SLC14A2: variants seen among roughly 807,000 people sequenced by gnomAD.
SLC14A2 encodes solute carrier family 14 member 2, also known as urea transporter 2.
In SLC14A2, 91 loss-of-function variants were observed where a neutral mutation model predicts 104.6. That is an observed-to-expected ratio of 0.87 (90% CI 0.73 to 1.04). The LOEUF (loss-of-function observed/expected upper bound fraction) is 1.04, where lower values mean the gene tolerates loss of function less well. Ranked by LOEUF, SLC14A2 falls within the 50% of genes least tolerant of loss-of-function variation. The probability of loss-of-function intolerance (pLI) is 0.00; values close to 1 mark genes in which losing one functional copy is unlikely to be tolerated. For missense variants in SLC14A2, 1,189 were observed against 1,156.0 expected (o/e 1.03, Z -0.41); for synonymous variants, 476 against 466.4 (o/e 1.02, Z -0.27).
intron 1 of SLC14A2, among the ~76,000 whole-genome samples, chr18:45,269,387 G>T (rs2084627122): frequency 6.6e-6 from 1 of 152,098 alleles, no homozygotes; most frequent in Non-Finnish European, 1.5e-5. Context: ...AGGGCAAGAA[G>T]TAGAGGGCAG....
intron 1 of SLC14A2, among the ~76,000 whole-genome samples, chr18:45,277,174 T>A (rs2084711527): frequency 6.6e-6 from 1 of 152,228 alleles, no homozygotes; most frequent in African/African-American, 2.4e-5. Context: ...ACATATAGCA[T>A]CTTATGGTTT....
At chr18:45,517,137 G>T (rs1421176743) in intron 2 of SLC14A2, among the ~76,000 whole-genome samples, 1 of 152,212 alleles carries the variant, frequency 6.6e-6, no homozygotes, top group Non-Finnish European at 1.5e-5. Flanking sequence ...GACACAGAGG[G>T]CTCAGGGCCC....
the SLC14A2 span, among the ~76,000 whole-genome samples, chr18:45,191,066 G>A: frequency 6.2e-4 from 94 of 152,066 alleles, no homozygotes; most frequent in African/African-American, 2.2e-3. Flanking sequence ...CAGCTCCCAT[G>A]GTGTCCCAGC....
intron 19 of SLC14A2, among the ~76,000 whole-genome samples, chr18:45,679,745 G>A (rs140935138): frequency 6.6e-6 from 1 of 152,328 alleles, no homozygotes; most frequent in East Asian, 1.9e-4. Flanking sequence ...AGTAAAAATG[G>A]GTGGCTTGGA....
rs1040551943 is a variant in SLC14A2, at chr18:45,444,781, C to T, written c.-124-38452C>T. Among the ~76,000 whole-genome samples the T allele has an allele frequency of 5.3e-5, 8 of 152,214 alleles. No homozygotes were observed. The South Asian group carries it at 1.0e-3, about 20-fold the overall frequency. On this transcript the variant is annotated intron_variant, in intron 1 of 20. Transcript: ENST00000586448. ...GCGAGCCGCACAGGTAGGTGTGCAT[C>T]GACAGCTCTTTTTAAAGCTACTTCT...
At chr18:45,265,326 G>A (rs377737830) in intron 1 of SLC14A2, among the ~76,000 whole-genome samples, 48 of 152,178 alleles carry the variant, frequency 3.2e-4, no homozygotes, top group East Asian at 2.7e-3. Context: ...AGCAAATTTC[G>A]GTAAGAAAGA....
intron 1 of SLC14A2, among the ~76,000 whole-genome samples, chr18:45,402,109 G>C (rs187981030): frequency 1.3e-5 from 2 of 152,220 alleles, no homozygotes; most frequent in Non-Finnish European, 2.9e-5. Flanking sequence ...TACTGAGCAC[G>C]TAAGACAGAG....
chr18:45,282,668 T>C (rs1599640996), intron 1 of SLC14A2, among the ~76,000 whole-genome samples: 2 of 152,260 alleles, frequency 1.3e-5, no homozygotes, highest in South Asian at 2.1e-4. Flanking sequence ...TGTGTGAGGC[T>C]GGACAGTGGG....
the SLC14A2 span, among the ~76,000 whole-genome samples, chr18:45,182,702 AT>A: frequency 1.2e-4 from 19 of 152,236 alleles, 1 homozygote; most frequent in Non-Finnish European, 1.0e-4. Flanking sequence ...ACAACAAAAA[AT>A]ATATAAAGTA....
At chr18:45,679,326 A>G (rs2046278999) in intron 19 of SLC14A2, among the ~76,000 whole-genome samples, 1 of 152,178 alleles carries the variant, frequency 6.6e-6, no homozygotes, top group Non-Finnish European at 1.5e-5. Context: ...AACTATTTTT[A>G]AATCTTTATT....
At chr18:45,387,309 C>T (rs1394581439) in intron 1 of SLC14A2, among the ~76,000 whole-genome samples, 2 of 152,208 alleles carry the variant, frequency 1.3e-5, no homozygotes, top group East Asian at 3.8e-4. Flanking sequence ...CTTGCCACAA[C>T]TCCTCAGCCA....
intron 1 of SLC14A2, among the ~76,000 whole-genome samples, chr18:45,370,921 T>A (rs961046076): frequency 6.6e-6 from 1 of 152,168 alleles, no homozygotes; most frequent in African/African-American, 2.4e-5. Context: ...TCAGCCCAGA[T>A]GCCCCTGTGA....
chr18:45,538,850 CTT>C (rs61475766), intron 2 of SLC14A2, among the ~76,000 whole-genome samples: 11,279 of 105,008 alleles, frequency 0.11, 376 homozygotes, highest in Non-Finnish European at 0.12. Context: ...TCCCCCTTCC[CTT>C]TTTTTTTTTT....
rs145850490 is a variant in SLC14A2 at position 45,318,651 on chromosome 18, G to A, written c.-125+105460G>A. Among the ~76,000 whole-genome samples, 913 of 152,142 alleles carry A rather than the reference G, an allele frequency of 6.0e-3. 6 individuals carry two copies. Among genetic ancestry groups the A allele is most frequent in the African/African-American group, 0.021 (877 of 41,478 alleles). ...AAAAATACAAAATTAGCTGGGCATG[G>A]TGGTGGGTGCCTGTCATCCCAGTTA... is the stretch of plus-strand genomic sequence containing the variant. On this transcript the variant is annotated intron_variant, in intron 1 of 20. Transcript: ENST00000586448.
At chr18:45,197,735 C>A in the SLC14A2 span, among the ~76,000 whole-genome samples, 1 of 152,172 alleles carries the variant, frequency 6.6e-6, no homozygotes. Flanking sequence ...CAATGCGTCT[C>A]ATTCATTGCT....
chr18:45,406,272 C>A (rs964248585), intron 1 of SLC14A2, among the ~76,000 whole-genome samples: 1 of 152,168 alleles, frequency 6.6e-6, no homozygotes, highest in Non-Finnish European at 1.5e-5. Context: ...CTCAAGGAAC[C>A]ACTTTCTTTT....
At chr18:45,661,945 G>A (rs2045942280) in intron 10 of SLC14A2, among the ~76,000 whole-genome samples, 1 of 152,234 alleles carries the variant, frequency 6.6e-6, no homozygotes, top group Admixed American at 6.5e-5. Flanking sequence ...TGCTGAAACA[G>A]TAGCTGCTTC....
chr18:45,559,171 G>A (rs1441174625), intron 2 of SLC14A2, among the ~76,000 whole-genome samples: 1 of 152,090 alleles, frequency 6.6e-6, no homozygotes, highest in East Asian at 1.9e-4. Context: ...TCTCTCAGGG[G>A]GCTCATAGTA....
intron 2 of SLC14A2, among the ~76,000 whole-genome samples, chr18:45,531,901 T>G (rs1402455443): frequency 6.6e-6 from 1 of 152,220 alleles, no homozygotes; most frequent in Non-Finnish European, 1.5e-5. Flanking sequence ...AGGGATCCAG[T>G]TTCAGCTTTC....
Sources: gnomAD v4.1 joint callset for allele counts (sites outside exome capture counted in the v4.1 genomes callset) on GRCh38, gnomAD v4.1.1 for gene constraint, MANE v1.5 for transcripts, NCBI Gene and HGNC (gene_info 2026-07-23, HGNC 2026-07-21) for gene names.